Variants in POU6F2 observed in about 807,000 individuals in gnomAD.
The protein encoded by POU6F2 is POU domain, class 6, transcription factor 2.
A neutral mutation model predicts 71.3 loss-of-function variants in POU6F2; 31 were observed. The observed-to-expected ratio is 0.43, with a 90% CI of 0.33 to 0.59. The LOEUF (loss-of-function observed/expected upper bound fraction) is 0.59, where lower values mean the gene tolerates loss of function less well. Ranked by LOEUF, POU6F2 falls within the 20% of genes least tolerant of loss-of-function variation. The probability of loss-of-function intolerance (pLI) is 0.04; values close to 1 mark genes in which losing one functional copy is unlikely to be tolerated. For missense variants in POU6F2, 783 were observed against 856.8 expected (o/e 0.91, Z 1.07); for synonymous variants, 347 against 355.7 (o/e 0.98, Z 0.27).
At chr7:39,179,640 G>C (rs1218951873) in intron 2 of POU6F2, among the ~76,000 whole-genome samples, 2 of 152,234 alleles carry the variant, frequency 1.3e-5, no homozygotes, top group Admixed American at 6.5e-5. Context: ...ATCTGGGGTG[G>C]TCTGAGGCTC....
chr7:38,981,615 G>C (rs1274052102), intron 1 of POU6F2, among the ~76,000 whole-genome samples: 1 of 152,192 alleles, frequency 6.6e-6, no homozygotes, highest in Non-Finnish European at 1.5e-5. Context: ...TGGATAAAGT[G>C]ATCATGGATG....
chr7:39,107,343 C>A (rs2128724842), intron 2 of POU6F2, among the ~76,000 whole-genome samples: 1 of 152,220 alleles, frequency 6.6e-6, no homozygotes, highest in Admixed American at 6.5e-5. Context: ...CTGTGCCCAC[C>A]TTCTTATTGT....
rs77529540 is a variant in POU6F2 at position 39,145,238 on chromosome 7, T to C, written c.278-58997T>C. Among the ~76,000 whole-genome samples the C allele has an allele frequency of 2.9e-3, 438 of 152,294 alleles. 5 individuals are homozygous for C. Among genetic ancestry groups the C allele is most frequent in the East Asian group, 0.028 (143 of 5,192 alleles). ...CTCCATAAGTTAAGAATTAATAAGT[T>C]CATTGAGAAATCTGCAGTGAGACAA... On this transcript the variant is annotated intron_variant, in intron 2 of 9. Coordinates refer to ENST00000518318, the MANE Select transcript of POU6F2 (RefSeq NM_001370959.1).
intron 1 of POU6F2, among the ~76,000 whole-genome samples, chr7:39,042,080 C>G (rs553206934): frequency 9.2e-5 from 14 of 152,004 alleles, no homozygotes; most frequent in African/African-American, 3.1e-4. Flanking sequence ...GTGGGAGGAA[C>G]AGAGGGAAAG....
intron 3 of POU6F2, 116 bp from the exon 4 acceptor site, chr7:39,207,275 GT>G: frequency 9.7e-6 from 9 of 927,676 alleles, no homozygotes; most frequent in South Asian, 6.1e-5. Context: ...GATAGGGCAT[GT>G]TTTTTGGTAC....
chr7:39,364,731 T>C (rs117370214), intron 5 of POU6F2, among the ~76,000 whole-genome samples: 7,238 of 152,254 alleles, frequency 0.048, 250 homozygotes, highest in Non-Finnish European at 0.072. Context: ...TAAACATGCG[T>C]GTGCAAGTAT....
At chr7:39,420,959 G>C (rs1787836862) in intron 6 of POU6F2, among the ~76,000 whole-genome samples, 1 of 152,070 alleles carries the variant, frequency 6.6e-6, no homozygotes, top group South Asian at 2.1e-4. Flanking sequence ...TATTTCACAA[G>C]GACCAAATTT....
chr7:39,175,897 C>G (rs547964290), intron 2 of POU6F2, among the ~76,000 whole-genome samples: 1 of 152,320 alleles, frequency 6.6e-6, no homozygotes, highest in South Asian at 2.1e-4. Flanking sequence ...CTCCACTGAG[C>G]AGAAGGATTA....
chr7:39,093,745 C>T (rs987862739), intron 2 of POU6F2, among the ~76,000 whole-genome samples: 11 of 152,162 alleles, frequency 7.2e-5, no homozygotes, highest in Non-Finnish European at 1.0e-4. Context: ...TTTAAAATAG[C>T]AATGCAAATT....
chr7:39,405,996 T>C (rs1787417963), intron 5 of POU6F2: 1 of 152,280 alleles, frequency 6.6e-6, no homozygotes, highest in African/African-American at 2.4e-5. Context: ...AGCCCCAAAA[T>C]TGTCGCAGCC....
intron 7 of POU6F2, among the ~76,000 whole-genome samples, chr7:39,445,354 C>T (rs981629367): frequency 1.3e-5 from 2 of 152,186 alleles, no homozygotes; most frequent in African/African-American, 4.8e-5. Context: ...GCAGAGCAGT[C>T]CTTTGACCTT....
chr7:39,450,462 C>T (rs567946694), intron 7 of POU6F2, among the ~76,000 whole-genome samples: 32 of 152,042 alleles, frequency 2.1e-4, no homozygotes, highest in Admixed American at 1.8e-3. Context: ...GCAGCTTTCC[C>T]GGAGAAGAAA....
intron 2 of POU6F2, among the ~76,000 whole-genome samples, chr7:39,151,378 A>G (rs935959376): frequency 3.3e-5 from 5 of 152,190 alleles, no homozygotes; most frequent in African/African-American, 1.2e-4. Context: ...TTCTGATCAC[A>G]TGTATCCTCT....
intron 4 of POU6F2, among the ~76,000 whole-genome samples, chr7:39,224,696 G>A (rs1794429546): frequency 6.6e-6 from 1 of 152,148 alleles, no homozygotes; most frequent in South Asian, 2.1e-4. Context: ...AACAATCACT[G>A]CTACTAGAAG....
intron 5 of POU6F2, among the ~76,000 whole-genome samples, chr7:39,346,953 A>G (rs1298282757): frequency 1.3e-5 from 2 of 152,192 alleles, no homozygotes; most frequent in Non-Finnish European, 2.9e-5. Context: ...ATTGTCCTGG[A>G]GAAGGTTTGC....
rs1420523838 is a variant in POU6F2, at chr7:39,363,890, AAAG to A, written c.972+23881_972+23883del. On this transcript the variant is annotated intron_variant, in intron 5 of 9. Transcript: ENST00000518318. ...ATCAAAGTGGATTCAAAAAGAAATA[AAAG>A]AAGAATTGGAGACATCAAGAATAGA... Among the ~76,000 whole-genome samples the A allele has an allele frequency of 2.0e-5, 3 of 152,140 alleles. No individual in the cohort carries two copies. The East Asian group carries it at 5.8e-4, about 29-fold the overall frequency.
intron 5 of POU6F2, among the ~76,000 whole-genome samples, chr7:39,403,821 A>G (rs1368603672): frequency 1.3e-5 from 2 of 152,232 alleles, no homozygotes; most frequent in African/African-American, 2.4e-5. Context: ...AAAGATATGT[A>G]TGTATAAAGT....
At chr7:38,995,075 G>T (rs114532782) in intron 1 of POU6F2, among the ~76,000 whole-genome samples, 2 of 152,138 alleles carry the variant, frequency 1.3e-5, no homozygotes, top group African/African-American at 4.8e-5. Flanking sequence ...ATTGACCATA[G>T]AATTTGAAAC....
intron 2 of POU6F2, chr7:39,132,341 C>T (rs1019763209): frequency 2.0e-5 from 3 of 152,138 alleles, no homozygotes; most frequent in Admixed American, 6.5e-5. Flanking sequence ...AGTTCTCATA[C>T]CTTCTAATTT....
Sources: gnomAD v4.1 joint callset for allele counts (sites outside exome capture counted in the v4.1 genomes callset) on GRCh38, gnomAD v4.1.1 for gene constraint, MANE v1.5 for transcripts, NCBI Gene and HGNC (gene_info 2026-07-23, HGNC 2026-07-21) for gene names.